The following LTBP1 variants were observed in gnomAD, a reference collection of about 807,000 sequenced individuals.
LTBP1 encodes latent-transforming growth factor beta-binding protein 1.
A neutral mutation model predicts 207.6 loss-of-function variants in LTBP1; 129 were observed. The ratio of observed to expected loss-of-function variants is 0.62; its 90% CI spans 0.54 to 0.72. The LOEUF (loss-of-function observed/expected upper bound fraction) is 0.72, where lower values mean the gene tolerates loss of function less well. LTBP1 is among the 30% of genes least tolerant of loss of function. The pLI is 0.00. For synonymous variants in LTBP1, 963 were observed against 833.7 expected (o/e 1.16, Z -2.67); for missense variants, 2,281 against 2,217.2 (o/e 1.03, Z -0.58).
chr2:33,110,192 G>A (rs1167203742), intron 3 of LTBP1, among the ~76,000 whole-genome samples: 2 of 152,154 alleles, frequency 1.3e-5, no homozygotes, highest in African/African-American at 4.8e-5. Flanking sequence ...CTGGGCTCAA[G>A]CGATCCTCCC....
At chr2:33,111,927 C>G (rs1009455996) in intron 4 of LTBP1, among the ~76,000 whole-genome samples, 17 of 152,092 alleles carry the variant, frequency 1.1e-4, no homozygotes, top group African/African-American at 4.1e-4. Context: ...CTATTTGATT[C>G]TTAAAAATCC....
intron 5 of LTBP1, among the ~76,000 whole-genome samples, chr2:33,145,365 G>C (rs1490900413): frequency 1.3e-5 from 2 of 152,130 alleles, no homozygotes; most frequent in East Asian, 3.9e-4. Context: ...TCTGGATTAT[G>C]GGGACTTTAT....
intron 2 of LTBP1, among the ~76,000 whole-genome samples, chr2:33,016,674 C>G (rs1408263880): frequency 6.6e-6 from 1 of 152,092 alleles, no homozygotes; most frequent in Non-Finnish European, 1.5e-5. Flanking sequence ...CAGCACAGTG[C>G]TGGCCAGGAA....
chr2:33,205,912 G>C (rs1267781273), intron 7 of LTBP1, among the ~76,000 whole-genome samples: 1 of 152,258 alleles, frequency 6.6e-6, no homozygotes, highest in East Asian at 1.9e-4. Flanking sequence ...CACACAGCCA[G>C]ATGGCAGCCA....
intron 24 of LTBP1, among the ~76,000 whole-genome samples, chr2:33,324,463 C>G (rs140128639): frequency 4.8e-4 from 73 of 152,062 alleles, no homozygotes; most frequent in African/African-American, 1.3e-3. Flanking sequence ...TGGTTCCAGG[C>G]ACCCACGGGG....
intron 11 of LTBP1, 123 bp from the exon 12 acceptor site, chr2:33,257,161 G>T: frequency 1.4e-6 from 1 of 692,988 alleles, no homozygotes; most frequent in Non-Finnish European, 2.3e-6. Context: ...ACCTGTTTTT[G>T]AAGTTTTAAA....
At chr2:32,977,133 C>G (rs1410042065) in intron 2 of LTBP1, among the ~76,000 whole-genome samples, 1 of 152,252 alleles carries the variant, frequency 6.6e-6, no homozygotes, top group African/African-American at 2.4e-5. Flanking sequence ...GGACTGGAAG[C>G]TCTAGCAGGC....
chr2:33,095,985 T>C (rs2079363882), intron 3 of LTBP1, among the ~76,000 whole-genome samples: 1 of 152,018 alleles, frequency 6.6e-6, no homozygotes, highest in Admixed American at 6.6e-5. Context: ...TATTAGACAG[T>C]CTTGCAGATT....
chr2:33,297,346 G>C (rs1004349147), intron 20 of LTBP1, among the ~76,000 whole-genome samples: 2 of 151,804 alleles, frequency 1.3e-5, no homozygotes, highest in Non-Finnish European at 2.9e-5. Context: ...TTTTTTTGCA[G>C]ATGAGAAAGC....
At chr2:33,384,446 A>T (rs1199411677) in intron 31 of LTBP1, among the ~76,000 whole-genome samples, 2 of 152,108 alleles carry the variant, frequency 1.3e-5, no homozygotes, top group African/African-American at 4.8e-5. Context: ...TGTTCATTTC[A>T]CATTGGTATT....
rs1214110035 is a variant in LTBP1 at position 33,262,946 on chromosome 2, A to G, written c.2518+125A>G. On this transcript the variant is annotated intron_variant, in intron 14 of 33. Coordinates refer to ENST00000404816, the MANE Select transcript of LTBP1 (RefSeq NM_206943.4). Reference sequence around the variant, plus strand: ...TCATAACTGAAGTTCAGTGTTAAGTATAGTAATATACTTATATAATGTTAG... The same window carrying G: ...TCATAACTGAAGTTCAGTGTTAAGTGTAGTAATATACTTATATAATGTTAG... The G allele has an allele frequency of 1.0e-5, 6 of 594,776 alleles. No individual in the cohort carries two copies. In the Admixed American group the frequency reaches 1.2e-4, roughly 12 times the overall value. The allele number at this position is 594,776 out of a possible 1,614,324, so 36.8% of individuals were successfully genotyped here.
intron 2 of LTBP1, among the ~76,000 whole-genome samples, chr2:33,003,903 A>T (rs1017218831): frequency 6.6e-6 from 1 of 152,190 alleles, no homozygotes; most frequent in South Asian, 2.1e-4. Flanking sequence ...TTCTGCAAGG[A>T]CATCTGCCCA....
chr2:33,151,322 G>A (rs2083501758), intron 5 of LTBP1, among the ~76,000 whole-genome samples: 1 of 152,124 alleles, frequency 6.6e-6, no homozygotes. Flanking sequence ...TTGAGGAGCT[G>A]CCAAACTGTT....
At chr2:33,215,344 C>G (rs2090597769) in intron 7 of LTBP1, among the ~76,000 whole-genome samples, 1 of 152,128 alleles carries the variant, frequency 6.6e-6, no homozygotes, top group South Asian at 2.1e-4. Context: ...ATTCTCAGGC[C>G]TCTCTAACTC....
rs535193930 is a variant in LTBP1, at chr2:33,017,379, C to T, written c.566-3530C>T. ...GTGATTCTCAAACCTGAGTGTGCAT[C>T]GACGTCGCTTGGAGGGCAGTCACTG... is the stretch of plus-strand genomic sequence containing the variant. On this transcript the variant is annotated intron_variant, in intron 2 of 33. Coordinates refer to ENST00000404816, the MANE Select transcript of LTBP1 (RefSeq NM_206943.4). Among the ~76,000 whole-genome samples the T allele has an allele frequency of 1.1e-4, 17 of 152,266 alleles. No individual in the cohort carries two copies. In the South Asian group the frequency reaches 1.9e-3, roughly 17 times the overall value.
chr2:33,305,542 A>G (rs1469564075), intron 22 of LTBP1, among the ~76,000 whole-genome samples: 1 of 152,212 alleles, frequency 6.6e-6, no homozygotes, highest in Admixed American at 6.5e-5. Context: ...CCGAGGAACC[A>G]GCTATGTGGA....
intron 7 of LTBP1, among the ~76,000 whole-genome samples, chr2:33,202,261 G>C (rs2089389931): frequency 6.6e-6 from 1 of 152,074 alleles, no homozygotes; most frequent in African/African-American, 2.4e-5. Context: ...AATATTTCTT[G>C]GTTTCCACTG....
At chr2:32,992,482 A>G (rs1351622089) in intron 2 of LTBP1, among the ~76,000 whole-genome samples, 1 of 152,184 alleles carries the variant, frequency 6.6e-6, no homozygotes, top group Non-Finnish European at 1.5e-5. Context: ...AGCATGTAGG[A>G]TGCTTGCAGA....
At chr2:33,163,901 C>T (rs568547296) in intron 5 of LTBP1, among the ~76,000 whole-genome samples, 1 of 152,126 alleles carries the variant, frequency 6.6e-6, no homozygotes, top group South Asian at 2.1e-4. Context: ...TATTTCATGT[C>T]TCTCCTTTTT....
Sources: allele counts gnomAD v4.1 joint callset (sites outside exome capture counted in the v4.1 genomes callset), GRCh38; gene constraint gnomAD v4.1.1; transcripts MANE v1.5; gene names NCBI Gene and HGNC (gene_info 2026-07-23, HGNC 2026-07-21).